The following ZNF469 variants were observed in gnomAD, a reference collection of about 807,000 sequenced individuals.
The protein encoded by ZNF469 is zinc finger protein 469.
ZNF469 carries 1 observed loss-of-function variant against 1.0 expected under a neutral mutation model. The observed-to-expected ratio is 1.00, with a 90% CI of 0.35 to 4.73. The LOEUF is 4.73. Ranked by LOEUF, ZNF469 falls within the 30% of genes most tolerant of loss-of-function variation. The probability of loss-of-function intolerance (pLI) is 0.16; values close to 1 mark genes in which losing one functional copy is unlikely to be tolerated. For missense variants in ZNF469, 6,100 were observed against 5,356.3 expected, an observed-to-expected ratio of 1.14 and a Z score of -4.33; for synonymous variants, 2,703 against 2,363.4, an observed-to-expected ratio of 1.14 and a Z score of -4.17.
At chr16:88,193,078 GTGA>G in the ZNF469 span, among the ~76,000 whole-genome samples, 4 of 58,910 alleles carry the variant, frequency 6.8e-5, no homozygotes, top group Admixed American at 1.7e-4. Context: ...GGTGGTGGTG[GTGA>G]TGGTGGTGGT....
At chr16:88,276,544 T>C in the ZNF469 span, 29 of 152,156 alleles carry the variant, frequency 1.9e-4, no homozygotes, top group African/African-American at 7.0e-4. Flanking sequence ...CACCCTGGAG[T>C]GAACACATCG....
chr16:88,406,256 G>A (rs563946698), intron 1 of ZNF469, among the ~76,000 whole-genome samples: 15 of 152,332 alleles, frequency 9.8e-5, no homozygotes, highest in African/African-American at 3.1e-4. Context: ...CAGGGTGGCC[G>A]TGTATGTGTG....
At chr16:88,324,694 T>A in the ZNF469 span, among the ~76,000 whole-genome samples, 206 of 152,252 alleles carry the variant, frequency 1.4e-3, 1 homozygote, top group African/African-American at 4.6e-3. Flanking sequence ...TATGTGCGAA[T>A]TAAGGGGAAG....
chr16:88,228,556 C>T, the ZNF469 span, among the ~76,000 whole-genome samples: 113,779 of 151,968 alleles, frequency 0.75, 44,443 homozygotes, highest in Middle Eastern at 0.88. Context: ...GAATATTTTC[C>T]GTAACTTATT....
At chr16:88,140,406 G>C in the ZNF469 span, among the ~76,000 whole-genome samples, 3 of 146,242 alleles carry the variant, frequency 2.1e-5, no homozygotes, top group African/African-American at 7.7e-5. Flanking sequence ...ACGGAGCCGT[G>C]TAGAAATCGG....
chr16:88,402,342 G>A (rs1028251997), intron 1 of ZNF469, among the ~76,000 whole-genome samples: 2 of 152,178 alleles, frequency 1.3e-5, no homozygotes. Context: ...CAGGTGAACA[G>A]GTGGATCAAG....
intron 1 of ZNF469, among the ~76,000 whole-genome samples, chr16:88,398,602 G>A (rs1009714486): frequency 6.6e-6 from 1 of 151,006 alleles, no homozygotes; most frequent in Non-Finnish European, 1.5e-5. Context: ...CAGATGAAGG[G>A]GGCATGTGAG....
chr16:88,313,592 C>G, the ZNF469 span, among the ~76,000 whole-genome samples: 4 of 150,842 alleles, frequency 2.7e-5, no homozygotes, highest in African/African-American at 7.3e-5. Flanking sequence ...ATGGTGTGGA[C>G]TCTATCTCTG....
chr16:88,209,619 A>G, the ZNF469 span, among the ~76,000 whole-genome samples: 2 of 152,110 alleles, frequency 1.3e-5, no homozygotes, highest in South Asian at 2.1e-4. Context: ...AAAACTAAGC[A>G]TTGTTTTATT....
the ZNF469 span, among the ~76,000 whole-genome samples, chr16:88,158,815 G>A: frequency 6.6e-6 from 1 of 152,134 alleles, no homozygotes; most frequent in Non-Finnish European, 1.5e-5. Context: ...GGGGCACCGG[G>A]CAGTGCAGGG....
At chr16:88,154,123 A>C in the ZNF469 span, among the ~76,000 whole-genome samples, 2 of 152,174 alleles carry the variant, frequency 1.3e-5, no homozygotes, top group Non-Finnish European at 2.9e-5. Flanking sequence ...CCAAGCCTTC[A>C]TGCTTTTCTA....
At chr16:88,380,931 C>CAGTCAT (rs2092521326), upstream of ZNF469, among the ~76,000 whole-genome samples, 2 of 130,704 alleles carry the variant, frequency 1.5e-5, no homozygotes, top group African/African-American at 6.5e-5. Flanking sequence ...CACACAGACA[C>CAGTCAT]GCACTCACAC....
chr16:88,201,911 C>T, the ZNF469 span, among the ~76,000 whole-genome samples: 1 of 152,170 alleles, frequency 6.6e-6, no homozygotes, highest in East Asian at 1.9e-4. This position sits in a 1 kb window ranked among gnomAD's most constrained non-coding sequence, Gnocchi z 5.0. Flanking sequence ...TGGTGGGGGC[C>T]GTGGTGTCTC....
In ZNF469 at chr16:88,438,233, G is replaced by A. The variant is rs1294443050; in HGVS notation, c.10763G>A (p.Gly3588Glu). The change falls in exon 3 of 3, where the codon GGG becomes GAG. Residue 3588 changes from glycine (G) to glutamate (E), a missense_variant. Coordinates refer to ENST00000565624, the MANE Select transcript of ZNF469 (RefSeq NM_001367624.2). ...AACGAGGCTTCCCCAGGCAGCCCCG[G>A]GCCTCTTCTCCAGCAAGCTCTCCCT... ...PENEASPGSP[G>E]PLLQQALPLG... 1.5e-5 allele frequency: 23 copies of A among 1,547,344 alleles called. No individual in the cohort carries two copies. In the Admixed American group the frequency reaches 3.7e-4, roughly 25 times the overall value.
chr16:88,429,131 C>T lies in ZNF469; in HGVS notation c.1661C>T (p.Thr554Ile), dbSNP rs775591971. The change falls in exon 3 of 3, where the codon ACA (threonine) becomes ATA (isoleucine). Residue 554 changes from threonine (T) to isoleucine (I), a missense_variant. Physicochemically the swap from Thr to Ile is moderately conservative, Grantham distance 89. Coordinates refer to ENST00000565624, the MANE Select transcript of ZNF469 (RefSeq NM_001367624.2). Reference sequence around the variant, plus strand: ...GCACTGTTCACCTACAACGGAATGACAGACCCTGGGGCTCAGCCCCTGTTC... The same window carrying T: ...GCACTGTTCACCTACAACGGAATGATAGACCCTGGGGCTCAGCCCCTGTTC... ...SPALFTYNGM[T>I]DPGAQPLFFG... 4 of 1,550,004 alleles carry T rather than the reference C, an allele frequency of 2.6e-6. No homozygotes were observed. Among genetic ancestry groups the T allele is most frequent in the Middle Eastern group, 3.3e-4 (2 of 5,992 alleles).
chr16:88,405,942 G>C (rs1040593650), intron 1 of ZNF469, among the ~76,000 whole-genome samples: 1 of 152,230 alleles, frequency 6.6e-6, no homozygotes, highest in Non-Finnish European at 1.5e-5. Flanking sequence ...ACACACATCA[G>C]AGCGTCTTGG....
chr16:88,203,857 C>T, the ZNF469 span, among the ~76,000 whole-genome samples: 1 of 152,142 alleles, frequency 6.6e-6, no homozygotes, highest in African/African-American at 2.4e-5. Context: ...AGCGCATTTC[C>T]AACAAAGCGA....
the ZNF469 span, among the ~76,000 whole-genome samples, chr16:88,203,845 A>G: frequency 2.0e-5 from 3 of 152,174 alleles, no homozygotes; most frequent in Admixed American, 1.3e-4. Flanking sequence ...ACATCTGCAA[A>G]GAGCGCATTT....
the ZNF469 span, among the ~76,000 whole-genome samples, chr16:88,251,536 G>GTGTTTT: frequency 0.013 from 1,036 of 78,792 alleles, 138 homozygotes; most frequent in Non-Finnish European, 0.019. Context: ...TGTCCCTGCT[G>GTGTTTT]TCTTTTTTTT....
Sources: gnomAD v4.1 joint callset for allele counts (sites outside exome capture counted in the v4.1 genomes callset) on GRCh38, gnomAD v4.1.1 for gene constraint, Gnocchi (gnomAD v3.1) non-coding constraint, MANE v1.5 for transcripts, NCBI Gene and HGNC (gene_info 2026-07-23, HGNC 2026-07-21) for gene names.